Variants in CDH4 observed in about 807,000 individuals in gnomAD.
CDH4 encodes the protein cadherin 4.
In CDH4, 33 loss-of-function variants were observed where a neutral mutation model predicts 86.0. That is an observed-to-expected ratio of 0.38 (90% CI 0.29 to 0.51). The LOEUF is 0.51. CDH4 is among the 20% of genes least tolerant of loss of function. The pLI is 0.86. For missense variants in CDH4, 1,114 were observed against 1,307.4 expected (o/e 0.85, Z 2.28); for synonymous variants, 555 against 549.4 (o/e 1.01, Z -0.14).
chr20:61,307,422 C>A (rs546730541), intron 2 of CDH4, among the ~76,000 whole-genome samples: 1 of 152,210 alleles, frequency 6.6e-6, no homozygotes, highest in Non-Finnish European at 1.5e-5. Context: ...CTCCAACACA[C>A]GTTGCATGTG....
At chr20:61,334,102 T>C (rs2084603296) in intron 2 of CDH4, among the ~76,000 whole-genome samples, 1 of 152,196 alleles carries the variant, frequency 6.6e-6, no homozygotes, top group Non-Finnish European at 1.5e-5. Flanking sequence ...GGGCCTGGAA[T>C]TGGAGCCACT....
chr20:61,839,075 T>A (rs1046328948), intron 4 of CDH4, among the ~76,000 whole-genome samples: 1 of 152,158 alleles, frequency 6.6e-6, no homozygotes, highest in African/African-American at 2.4e-5. Flanking sequence ...CCTGGGAACA[T>A]CTCTGGGCTT....
chr20:61,662,861 C>T (rs920048673), intron 2 of CDH4, among the ~76,000 whole-genome samples: 2 of 152,164 alleles, frequency 1.3e-5, no homozygotes, highest in South Asian at 2.1e-4. Context: ...TGTCCGCCTA[C>T]AGGGTAGAGC....
chr20:61,767,766 C>T (rs540883935), intron 3 of CDH4, among the ~76,000 whole-genome samples: 1 of 152,208 alleles, frequency 6.6e-6, no homozygotes, highest in South Asian at 2.1e-4. Flanking sequence ...GTATGGGACA[C>T]TGCAGCCCTG....
Position 61,363,873 on chromosome 20 carries a change from T to G in CDH4, c.169+108936T>G, listed in dbSNP as rs558624226. On this transcript the variant is annotated intron_variant, in intron 2 of 15. Coordinates refer to ENST00000614565, the MANE Select transcript of CDH4 (RefSeq NM_001794.5). ...TCAACTTAAATTTTCAACTTCATGA[T>G]GATGTGAAAGTGGTAACAGTAGAAC... 6.6e-5 allele frequency among the ~76,000 whole-genome samples: 10 copies of G among 152,284 alleles called. 1 individual carries two copies. The South Asian group carries it at 1.9e-3, about 28-fold the overall frequency.
intron 2 of CDH4, among the ~76,000 whole-genome samples, chr20:61,689,103 C>A (rs1178030165): frequency 6.6e-6 from 1 of 152,274 alleles, no homozygotes; most frequent in Non-Finnish European, 1.5e-5. Context: ...TGACTCACAC[C>A]AGCCCTATTG....
chr20:61,699,772 C>T (rs1165081478), intron 2 of CDH4, among the ~76,000 whole-genome samples: 1 of 124,524 alleles, frequency 8.0e-6, no homozygotes, highest in Non-Finnish European at 1.7e-5. Flanking sequence ...ACCGCGGACC[C>T]GGGGCTTTCA....
At chr20:61,260,571 C>A (rs1383524386) in intron 2 of CDH4, among the ~76,000 whole-genome samples, 2 of 152,200 alleles carry the variant, frequency 1.3e-5, no homozygotes, top group African/African-American at 4.8e-5. Flanking sequence ...GGGACTCAGA[C>A]CCCACTGGTG....
chr20:61,285,581 A>C (rs956222272), intron 2 of CDH4, among the ~76,000 whole-genome samples: 1 of 152,272 alleles, frequency 6.6e-6, no homozygotes, highest in African/African-American at 2.4e-5. Flanking sequence ...TGATGGCACC[A>C]TAATGATGAC....
intron 2 of CDH4, among the ~76,000 whole-genome samples, chr20:61,609,712 G>A (rs1490805629): frequency 6.6e-6 from 1 of 152,238 alleles, no homozygotes; most frequent in Non-Finnish European, 1.5e-5. Flanking sequence ...TCCAGTGGGT[G>A]TGCATGGCCT....
At chr20:61,395,957 A>G (rs900803564) in intron 2 of CDH4, among the ~76,000 whole-genome samples, 4 of 152,158 alleles carry the variant, frequency 2.6e-5, no homozygotes, top group Non-Finnish European at 4.4e-5. Flanking sequence ...GATTTCATCA[A>G]TTTAATTAGA....
intron 6 of CDH4, among the ~76,000 whole-genome samples, chr20:61,862,016 A>G (rs948250467): frequency 6.6e-6 from 1 of 152,178 alleles, no homozygotes; most frequent in Admixed American, 6.5e-5. Flanking sequence ...GTGAACGGGA[A>G]GCGCCTTTCC....
chr20:61,540,423 G>A (rs2086031657), intron 2 of CDH4, among the ~76,000 whole-genome samples: 1 of 152,156 alleles, frequency 6.6e-6, no homozygotes, highest in African/African-American at 2.4e-5. Flanking sequence ...GGAGGGAAGT[G>A]CCCAGATGTT....
At chr20:61,795,073 T>A (rs1600995862) in intron 4 of CDH4, among the ~76,000 whole-genome samples, 1 of 144,308 alleles carries the variant, frequency 6.9e-6, no homozygotes, top group African/African-American at 2.7e-5. Flanking sequence ...GTTATAATGG[T>A]GAGGGTGATG....
At chr20:61,605,741 G>C (rs947246311) in intron 2 of CDH4, among the ~76,000 whole-genome samples, 2 of 152,104 alleles carry the variant, frequency 1.3e-5, no homozygotes, top group Non-Finnish European at 2.9e-5. Context: ...CCATGAAACA[G>C]TAAGCAGATT....
chr20:61,442,734 C>T, intron 2 of CDH4, among the ~76,000 whole-genome samples: 1 of 152,168 alleles, frequency 6.6e-6, no homozygotes, highest in East Asian at 1.9e-4. Context: ...TGAAGCAGCT[C>T]CTTTTAGGAA....
intron 2 of CDH4, among the ~76,000 whole-genome samples, chr20:61,283,747 TC>T (rs2084277834): frequency 6.6e-6 from 1 of 152,216 alleles, no homozygotes; most frequent in South Asian, 2.1e-4. Context: ...TTGTGATGGG[TC>T]ATTAGAAGCA....
rs962786217 is a variant in CDH4, at chr20:61,648,044, C to T, written c.170-95519C>T. Among the ~76,000 whole-genome samples, 8 of 152,176 alleles carry T rather than the reference C, an allele frequency of 5.3e-5. 1 individual carries two copies. Among genetic ancestry groups the T allele is most frequent in the South Asian group, 4.1e-4 (2 of 4,826 alleles). On this transcript the variant is annotated intron_variant, in intron 2 of 15. Transcript: ENST00000614565. ...AGGAGACGCTTCCCAATTAGGGGCA[C>T]GACTCACTGCAGGCAGGCGTGGGCT...
intron 4 of CDH4, among the ~76,000 whole-genome samples, chr20:61,838,333 C>A (rs1277756909): frequency 1.3e-5 from 2 of 152,000 alleles, no homozygotes; most frequent in Non-Finnish European, 1.5e-5. Flanking sequence ...AGGTAGGGAG[C>A]CCTCGGCTGT....
Sources: allele counts gnomAD v4.1 joint callset (sites outside exome capture counted in the v4.1 genomes callset), GRCh38; gene constraint gnomAD v4.1.1; transcripts MANE v1.5; gene names NCBI Gene and HGNC (gene_info 2026-07-23, HGNC 2026-07-21).